The following SPAG16 variants were observed in gnomAD, a reference collection of about 807,000 sequenced individuals.
SPAG16 encodes sperm associated antigen 16.
A neutral mutation model predicts 80.4 loss-of-function variants in SPAG16; 86 were observed. The observed-to-expected ratio is 1.07, with a 90% CI of 0.90 to 1.28. The LOEUF (loss-of-function observed/expected upper bound fraction) is 1.28, where lower values mean the gene tolerates loss of function less well. Ranked by LOEUF, SPAG16 falls within the 50% of genes most tolerant of loss-of-function variation. The probability of loss-of-function intolerance (pLI) is 0.00; values close to 1 mark genes in which losing one functional copy is unlikely to be tolerated. For missense variants in SPAG16, 870 were observed against 765.3 expected, an observed-to-expected ratio of 1.14 and a Z score of -1.61; for synonymous variants, 294 against 265.9, an observed-to-expected ratio of 1.11 and a Z score of -1.03.
At position 214,010,517 on chromosome 2, in the gene SPAG16, G is replaced by GAAGA. The variant is rs767398814; in HGVS notation, c.1401-3434_1401-3433insAAGA. On this transcript the variant is annotated intron_variant, in intron 12 of 15. Transcript: ENST00000331683. ...CAGTATTTGGGAAAGAAACTGTAAG[G>GAAGA]GCTCTTGGGTGTAAACAGCAAACGA... 2.0e-4 allele frequency among the ~76,000 whole-genome samples: 29 copies of GAAGA among 146,292 alleles called. 3 individuals are homozygous for GAAGA. The highest frequency in any genetic ancestry group is 4.8e-4 in the African/African-American group (18 of 37,292).
intron 12 of SPAG16, among the ~76,000 whole-genome samples, chr2:213,970,679 A>G (rs1387990534): frequency 6.6e-6 from 1 of 152,200 alleles, no homozygotes; most frequent in East Asian, 1.9e-4. Context: ...ACCTTTTTAG[A>G]TGAAAGTACA....
At chr2:214,312,215 A>G (rs190162477) in intron 15 of SPAG16, among the ~76,000 whole-genome samples, 3 of 152,312 alleles carry the variant, frequency 2.0e-5, no homozygotes, top group Non-Finnish European at 2.9e-5. Flanking sequence ...TGAAAATTAT[A>G]TATCAGAGTC....
intron 10 of SPAG16, among the ~76,000 whole-genome samples, chr2:213,644,323 T>C (rs1261315834): frequency 6.6e-6 from 1 of 152,136 alleles, no homozygotes; most frequent in Non-Finnish European, 1.5e-5. Flanking sequence ...GTCACATTTC[T>C]CTGTTTTTCC....
At chr2:214,116,269 A>T (rs1298160652) in intron 14 of SPAG16, among the ~76,000 whole-genome samples, 1 of 152,196 alleles carries the variant, frequency 6.6e-6, no homozygotes, top group Non-Finnish European at 1.5e-5. Context: ...TTGGCTTGGC[A>T]CTAGCCTCCC....
chr2:213,634,290 C>T (rs2062273223), intron 10 of SPAG16, among the ~76,000 whole-genome samples: 1 of 152,106 alleles, frequency 6.6e-6, no homozygotes, highest in South Asian at 2.1e-4. Flanking sequence ...ACAAAATGAA[C>T]ACTAATAAAA....
At chr2:214,374,269 T>TA (rs751764036) in intron 15 of SPAG16, among the ~76,000 whole-genome samples, 38 of 152,330 alleles carry the variant, frequency 2.5e-4, no homozygotes, top group Non-Finnish European at 4.3e-4. Context: ...GAAATGACTC[T>TA]AAAAAAATCC....
chr2:214,013,925 A>G, intron 12 of SPAG16, 26 bp from the exon 13 acceptor site: 1 of 1,609,220 alleles, frequency 6.2e-7, no homozygotes, highest in Non-Finnish European at 8.5e-7. Context: ...ACTAACTCCT[A>G]AAATTCTTAA....
intron 14 of SPAG16, among the ~76,000 whole-genome samples, chr2:214,108,959 T>G (rs2053535972): frequency 6.6e-6 from 1 of 151,876 alleles, no homozygotes; most frequent in Admixed American, 6.6e-5. Context: ...AATGCAAGAG[T>G]GTTTGGAGGT....
chr2:214,400,667 G>A (rs536916383), intron 15 of SPAG16, among the ~76,000 whole-genome samples: 1 of 152,058 alleles, frequency 6.6e-6, no homozygotes, highest in South Asian at 2.1e-4. Flanking sequence ...AACAGACTCT[G>A]TGCAATAAAA....
intron 10 of SPAG16, among the ~76,000 whole-genome samples, chr2:213,752,301 T>A (rs760721112): frequency 6.6e-6 from 1 of 152,194 alleles, no homozygotes; most frequent in South Asian, 2.1e-4. Flanking sequence ...GTTTTTAATT[T>A]AAATAATATG....
intron 9 of SPAG16, among the ~76,000 whole-genome samples, chr2:213,457,386 G>C (rs1385074914): frequency 6.6e-6 from 1 of 152,162 alleles, no homozygotes; most frequent in East Asian, 1.9e-4. Context: ...TGAGCAGACT[G>C]TTCTGAAGTT....
chr2:213,972,628 C>T (rs1017299140), intron 12 of SPAG16, among the ~76,000 whole-genome samples: 19 of 152,100 alleles, frequency 1.2e-4, no homozygotes, highest in Admixed American at 1.1e-3. Flanking sequence ...TTGAGGAAAC[C>T]CCCTCACAGA....
chr2:214,343,256 G>C (rs922434698), intron 15 of SPAG16, among the ~76,000 whole-genome samples: 3 of 152,156 alleles, frequency 2.0e-5, no homozygotes, highest in Non-Finnish European at 2.9e-5. Context: ...AGCAAATCAA[G>C]AAACAGAGTT....
chr2:213,720,809 G>A (rs1435575932), intron 10 of SPAG16, among the ~76,000 whole-genome samples: 1 of 122,222 alleles, frequency 8.2e-6, no homozygotes, highest in Non-Finnish European at 1.6e-5. Flanking sequence ...GCAATGGCAC[G>A]ATCTCGGCTC....
intron 10 of SPAG16, among the ~76,000 whole-genome samples, chr2:213,785,239 A>G (rs557451762): frequency 1.3e-5 from 2 of 152,326 alleles, no homozygotes; most frequent in East Asian, 1.9e-4. Context: ...AGTTAAATTC[A>G]TAAGACGCAC....
chr2:213,550,302 C>G (rs1460113138), intron 10 of SPAG16, among the ~76,000 whole-genome samples: 3 of 151,610 alleles, frequency 2.0e-5, no homozygotes. Context: ...TATTTATATT[C>G]AAAGTCCTAG....
intron 15 of SPAG16, among the ~76,000 whole-genome samples, chr2:214,170,039 ATATAAATAATATAAATTT>A (rs1231170531): frequency 5.3e-5 from 8 of 152,082 alleles, no homozygotes; most frequent in Non-Finnish European, 1.2e-4. Context: ...AGATGAAGCC[ATATAAATAATATAAATTT>A]TATACCACTT....
chr2:213,748,193 C>T (rs1005712053), intron 10 of SPAG16, among the ~76,000 whole-genome samples: 10 of 151,812 alleles, frequency 6.6e-5, no homozygotes, highest in Admixed American at 1.3e-4. Context: ...TTTCAGGTTA[C>T]GAAAAATAGA....
At chr2:213,788,893 ATTTCCATAGGTAGAATC>A (rs1209297474) in intron 10 of SPAG16, among the ~76,000 whole-genome samples, 3 of 151,780 alleles carry the variant, frequency 2.0e-5, no homozygotes, top group Non-Finnish European at 3.0e-5. Flanking sequence ...TTATTGTGCA[ATTTCCATAGGTAGAATC>A]TTTCCATTTA....
Sources: gnomAD v4.1 joint callset for allele counts (sites outside exome capture counted in the v4.1 genomes callset) on GRCh38, gnomAD v4.1.1 for gene constraint, MANE v1.5 for transcripts, NCBI Gene and HGNC (gene_info 2026-07-23, HGNC 2026-07-21) for gene names.